The following SSC5D variants were observed in gnomAD, a reference collection of about 807,000 sequenced individuals.
SSC5D encodes scavenger receptor cysteine rich family member with 5 domains.
A neutral mutation model predicts 104.6 loss-of-function variants in SSC5D; 106 were observed. The ratio of observed to expected loss-of-function variants is 1.01; its 90% CI spans 0.87 to 1.19. The LOEUF (loss-of-function observed/expected upper bound fraction) is 1.19. Ranked by LOEUF, SSC5D falls within the 50% of genes most tolerant of loss-of-function variation. SSC5D has a pLI of 0.00. For synonymous variants in SSC5D, 860 were observed against 883.5 expected, an observed-to-expected ratio of 0.97 and a Z score of 0.47; for missense variants, 1,993 against 2,153.8, an observed-to-expected ratio of 0.93 and a Z score of 1.48.
At chr19:55,491,619 C>G (rs928079890) in intron 6 of SSC5D, 1 of 156,980 alleles carries the variant, frequency 6.4e-6, no homozygotes, top group Non-Finnish European at 1.4e-5. Context: ...TCCATCTCCC[C>G]TCATTCACGC....
chr19:55,490,108 C>T (rs1165652089), intron 4 of SSC5D, 113 bp downstream of exon 4: 33 of 659,014 alleles, frequency 5.0e-5, no homozygotes, highest in Admixed American at 3.3e-4. Context: ...CTGCCCCCAC[C>T]GAGGGGAGAG....
At chr19:55,507,551 A>T (rs1374728770) in intron 12 of SSC5D, among the ~76,000 whole-genome samples, 1 of 151,188 alleles carries the variant, frequency 6.6e-6, no homozygotes, top group Non-Finnish European at 1.5e-5. Flanking sequence ...CTATAATCCC[A>T]GCTACTCGGG....
rs1555767623 is a variant in SSC5D at position 55,515,415 on chromosome 19, A to AAG, written c.2948-1808_2948-1807insGA. On this transcript the variant is annotated intron_variant, in intron 13 of 13. Coordinates refer to ENST00000389623, the MANE Select transcript of SSC5D (RefSeq NM_001144950.2). ...CCGTCTCAAAAAAAAAAAAAAAAAA[A>AAG]AAGTTAAATGAATTAACACTTTGAA... 1.2e-4 allele frequency among the ~76,000 whole-genome samples: 17 copies of AAG among 143,900 alleles called. 1 individual carries two copies. Among genetic ancestry groups the AAG allele is most frequent in the African/African-American group, 2.9e-4 (11 of 37,724 alleles). 94.4% of individuals were successfully genotyped at this position (143,900 alleles called of 152,430 possible).
chr19:55,500,250 G>A lies in SSC5D; in HGVS notation c.2140G>A (p.Ala714Thr). ...CCGAGAACGGACCACTAAGACCATG[G>A]CAATGCTGACCACTCAAGGCCCCCA... ...APRERTTKTM[A>T]MLTTQGPQEM... The change falls in exon 10 of 14, where the codon GCA (alanine) becomes ACA (threonine). Residue 714 changes from alanine (A) to threonine (T), a missense_variant. By Grantham distance (58) the Ala-to-Thr change is moderately conservative. Around this residue, in one of 6 missense-constraint regions of SSC5D, gnomAD observed 1,101 missense variants for 1,085.0 expected, o/e 1.01. Coordinates refer to ENST00000389623, the MANE Select transcript of SSC5D (RefSeq NM_001144950.2). The surrounding 1 kb of genome is among the most constrained non-coding windows in gnomAD (Gnocchi z 4.6). 6.4e-7 allele frequency: 1 copy of A among 1,551,178 alleles called. No individual in the cohort carries two copies. Among genetic ancestry groups the A allele is most frequent in the South Asian group, 1.2e-5 (1 of 84,008 alleles).
chr19:55,517,532 C>T lies in SSC5D; in HGVS notation c.3256C>T (p.Pro1086Ser). The change falls in exon 14 of 14, where the codon CCC (proline) becomes TCC (serine). Residue 1086 changes from proline to serine, a missense_variant. By Grantham distance (74) the Pro-to-Ser change is moderately conservative. Around this residue, in one of 6 missense-constraint regions of SSC5D, gnomAD observed 423 missense variants for 409.2 expected, o/e 1.03. Transcript: ENST00000389623. ...TGTGGTTCCCGCGTTGACCCCGGAGCCCTCACCCACGCCCTTACCCACCTT... is the reference window on the plus strand; with the variant it reads ...TGTGGTTCCCGCGTTGACCCCGGAGTCCTCACCCACGCCCTTACCCACCTT... ...SSVVPALTPE[P>S]SPTPLPTLPK... The T allele has an allele frequency of 1.3e-6, 2 of 1,551,540 alleles. No individual in the cohort carries two copies. Among genetic ancestry groups the T allele is most frequent in the Non-Finnish European group, 1.7e-6 (2 of 1,147,016 alleles).
At position 55,493,896 on chromosome 19, in the gene SSC5D, CG is replaced by C; in HGVS notation, c.1201del (p.Ala401ProfsTer35). On this transcript the variant is annotated frameshift_variant, in exon 7 of 14. Transcript: ENST00000389623. LOFTEE classifies it high-confidence loss of function. ...QHDCHHREDA[G>X]AVCDGMPLGY... The stretch of plus-strand genomic sequence containing the variant: ...ATGACTGTCACCACCGCGAGGACGC[CG>C]GGGCCGTGTGTGACGGTGAGGGGGT... The C allele has an allele frequency of 2.7e-6, 4 of 1,462,998 alleles. No individual in the cohort carries two copies. Among genetic ancestry groups the C allele is most frequent in the Non-Finnish European group, 2.7e-6 (3 of 1,095,400 alleles). 90.6% of individuals were successfully genotyped at this position (1,462,998 alleles called of 1,614,324 possible).
chr19:55,500,444 T>G lies in SSC5D; in HGVS notation c.2302+32T>G, dbSNP rs1466322616. The G allele has an allele frequency of 6.5e-7, 1 of 1,547,988 alleles. No individual in the cohort carries two copies. Among genetic ancestry groups the G allele is most frequent in the Non-Finnish European group, 8.7e-7 (1 of 1,144,418 alleles). On this transcript the variant is annotated intron_variant, in intron 10 of 13. Coordinates refer to ENST00000389623, the MANE Select transcript of SSC5D (RefSeq NM_001144950.2). This position sits in a 1 kb window ranked among gnomAD's most constrained non-coding sequence, Gnocchi z 4.6. ...GGCCGTGAGGGGTGTGGGGAGAGAATGGGAGAGGCTGACCCTCCCTCCTGA... is the reference window on the plus strand; with the variant it reads ...GGCCGTGAGGGGTGTGGGGAGAGAAGGGGAGAGGCTGACCCTCCCTCCTGA...
At chr19:55,516,848 C>A (rs1488732399) in intron 13 of SSC5D, among the ~76,000 whole-genome samples, 1 of 152,102 alleles carries the variant, frequency 6.6e-6, no homozygotes, top group Non-Finnish European at 1.5e-5. Flanking sequence ...TCTCCCAGTC[C>A]CCCGCTGGCT....
chr19:55,499,416 G>A (rs1260386149), intron 9 of SSC5D, among the ~76,000 whole-genome samples: 3 of 152,174 alleles, frequency 2.0e-5, no homozygotes, highest in African/African-American at 7.2e-5. Flanking sequence ...TTCGGGAGTG[G>A]CCTGTCGGAC....
At chr19:55,502,960 C>T (rs539437117) in intron 12 of SSC5D, among the ~76,000 whole-genome samples, 4 of 152,262 alleles carry the variant, frequency 2.6e-5, no homozygotes, top group South Asian at 4.1e-4. Flanking sequence ...GGATTACAGG[C>T]GTGTGCCACC....
At position 55,519,036 on chromosome 19, in the gene SSC5D, C is replaced by A; in HGVS notation, c.*38C>A. On this transcript the variant is annotated 3_prime_UTR_variant, in exon 14 of 14. Coordinates refer to ENST00000389623, the MANE Select transcript of SSC5D (RefSeq NM_001144950.2). ...TTTGAGGGGCTTAAGACACCCCCAA[C>A]CAAAAAAAACAAAAACAAAAAAAAC... The A allele has an allele frequency of 6.6e-7, 1 of 1,512,134 alleles. No homozygotes were observed. Among genetic ancestry groups the A allele is most frequent in the Non-Finnish European group, 8.8e-7 (1 of 1,133,808 alleles). 93.7% of individuals were successfully genotyped at this position (1,512,134 alleles called of 1,614,324 possible). A position where few individuals can be genotyped will look rare whatever the true frequency, so the allele number is the denominator to read the frequency against.
At chr19:55,493,190 C>T (rs1313240589) in intron 6 of SSC5D, among the ~76,000 whole-genome samples, 1 of 152,138 alleles carries the variant, frequency 6.6e-6, no homozygotes, top group Non-Finnish European at 1.5e-5. Flanking sequence ...TTGGTTGTCG[C>T]AGCTAGGGGG....
At chr19:55,501,716 T>C (rs1423464590) in intron 12 of SSC5D, among the ~76,000 whole-genome samples, 1 of 152,164 alleles carries the variant, frequency 6.6e-6, no homozygotes, top group Non-Finnish European at 1.5e-5. Flanking sequence ...CTCTGCTCTA[T>C]GGCCTCTGTC....
chr19:55,490,150 C>G, intron 4 of SSC5D, 148 bp from the exon 5 acceptor site: 1 of 612,690 alleles, frequency 1.6e-6, no homozygotes, highest in Non-Finnish European at 2.9e-6. Context: ...CCAGGGGACA[C>G]ACAGCCCGCC....
chr19:55,497,440 T>C (rs1987353422), intron 8 of SSC5D, among the ~76,000 whole-genome samples: 1 of 152,258 alleles, frequency 6.6e-6, no homozygotes, highest in Non-Finnish European at 1.5e-5. Context: ...GACATTCATG[T>C]AACATAAAGT....
At chr19:55,502,893 G>A (rs1987542945) in intron 12 of SSC5D, among the ~76,000 whole-genome samples, 4 of 151,996 alleles carry the variant, frequency 2.6e-5, no homozygotes, top group Non-Finnish European at 5.9e-5. Context: ...TCGGCTCACT[G>A]CAACCTCCAC....
Position 55,494,799 on chromosome 19 carries a change from C to T in SSC5D, c.1387+16C>T, listed in dbSNP as rs1055774883. The T allele has an allele frequency of 3.3e-6, 5 of 1,524,910 alleles. No homozygotes were observed. In the African/African-American group the frequency reaches 6.9e-5, roughly 21 times the overall value. The allele number at this position is 1,524,910 out of a possible 1,614,324, so 94.5% of individuals were successfully genotyped here. A position where few individuals can be genotyped will look rare whatever the true frequency, so the allele number is the denominator to read the frequency against. On this transcript the variant is annotated intron_variant, in intron 8 of 13. Transcript: ENST00000389623. ...CCGGAAGCCGGTGAGTCCCTCCATG[C>T]TCCCCAAGAAAACAGGGTCCTTCCT...
chr19:55,511,799 G>A (rs1987761698), intron 12 of SSC5D, among the ~76,000 whole-genome samples: 1 of 152,176 alleles, frequency 6.6e-6, no homozygotes, highest in Admixed American at 6.6e-5. Context: ...AGGGTTTAGG[G>A]TGGAAAGGGG....
chr19:55,513,015 CA>C lies in SSC5D; in HGVS notation c.2793del (p.Asp932MetfsTer27), dbSNP rs1987789854. On this transcript the variant is annotated frameshift_variant, in exon 13 of 14. Coordinates refer to ENST00000389623, the MANE Select transcript of SSC5D (RefSeq NM_001144950.2). LOFTEE classifies it high-confidence loss of function. ...AIRRLPDTGSKDGYKLPWTWD... is the reference protein window; with the variant it reads ...AIRRLPDTGSXDGYKLPWTWD... ...CTCTTCCCCATATCTCTCTAGGCAG[CA>C]AAGATGGTTACAAGCTTCCCTGGAC... 1.9e-6 allele frequency: 3 copies of C among 1,551,914 alleles called. No homozygotes were observed. Among genetic ancestry groups the C allele is most frequent in the Non-Finnish European group, 2.6e-6 (3 of 1,147,056 alleles).
Sources: allele counts gnomAD v4.1 joint callset (sites outside exome capture counted in the v4.1 genomes callset), GRCh38; gene constraint gnomAD v4.1.1; regional missense constraint gnomAD v4.1.1; non-coding constraint Gnocchi (gnomAD v3.1); transcripts MANE v1.5; gene names NCBI Gene and HGNC (gene_info 2026-07-23, HGNC 2026-07-21).